Variants in HEATR5B observed in about 807,000 individuals in gnomAD.
HEATR5B encodes the protein HEAT repeat containing 5B, also known as HEAT repeat-containing protein 5B.
Under a neutral mutation model 224.1 loss-of-function variants are expected in HEATR5B, and 156 were observed. That is an observed-to-expected ratio of 0.70 (90% confidence interval 0.61 to 0.80). The LOEUF is 0.80. HEATR5B is among the 30% of genes least tolerant of loss of function. The probability of loss-of-function intolerance (pLI) is 0.00; values close to 1 mark genes in which losing one functional copy is unlikely to be tolerated. For synonymous variants in HEATR5B, 1,027 were observed against 893.0 expected (o/e 1.15, Z -2.68); for missense variants, 2,323 against 2,535.5 (o/e 0.92, Z 1.80).
chr2:37,053,516 G>T lies in HEATR5B; in HGVS notation c.2491C>A (p.Leu831Ile). The change falls in exon 17 of 36, where the codon CTT becomes ATT. Residue 831 changes from leucine (L) to isoleucine (I), a missense_variant. By Grantham distance (5) the Leu-to-Ile change is conservative (BLOSUM62 2). Coordinates refer to ENST00000233099, the MANE Select transcript of HEATR5B (RefSeq NM_019024.3). ...AVQLNIFTAV[L>I]SALKGLAENK... ...AAAGTAAATACCTTTAGTGCACTAA[G>T]AACAGCAGTAAATATGTTAAGCTGC... 6.3e-7 allele frequency: 1 copy of T among 1,598,572 alleles called. No individual in the cohort carries two copies. The highest frequency in any genetic ancestry group is 8.6e-7 in the Non-Finnish European group (1 of 1,169,040).
chr2:37,002,225 T>C (rs1022643898), intron 32 of HEATR5B, 81 bp downstream of exon 32: 7 of 1,479,076 alleles, frequency 4.7e-6, no homozygotes, highest in Non-Finnish European at 6.6e-6. Flanking sequence ...AACTGGGTTA[T>C]AACAGTGCTT....
At chr2:37,023,705 G>A (rs1668600748) in intron 24 of HEATR5B, among the ~76,000 whole-genome samples, 1 of 152,114 alleles carries the variant, frequency 6.6e-6, no homozygotes, top group Admixed American at 6.6e-5. Flanking sequence ...TTGAACCCAG[G>A]AGGCTGAGGC....
intron 12 of HEATR5B, among the ~76,000 whole-genome samples, chr2:37,059,457 TATATATA>T (rs1177050186): frequency 1.2e-3 from 132 of 112,240 alleles, no homozygotes; most frequent in Non-Finnish European, 1.6e-3. Flanking sequence ...TATATATATA[TATATATA>T]TTTTTTTTTT....
intron 17 of HEATR5B, 65 bp downstream of exon 17, chr2:37,053,437 G>A (rs1353130955): frequency 6.1e-6 from 5 of 813,282 alleles, no homozygotes; most frequent in Admixed American, 2.5e-5. Flanking sequence ...ATCTTGCTAT[G>A]TCTGGCTTAT....
rs766884538 is a variant in HEATR5B, at chr2:37,064,941, G to A, written c.1383C>T (p.Ala461=). Residue 461 remains alanine, a synonymous_variant, in exon 10 of 36, where the codon GCC becomes GCT. Transcript: ENST00000233099. ...GCAAACACCATGCAGCAGCAAGTCG[G>A]GCAGCCATGCTTGGATGAAGCAGCA... ...TSVLLHPSMA[A]RLAAAWCLRC... 4 of 1,613,928 alleles carry A rather than the reference G, an allele frequency of 2.5e-6. No homozygotes were observed. The East Asian group carries it at 8.9e-5, about 36-fold the overall frequency.
chr2:37,008,877 G>T (rs746473156), intron 27 of HEATR5B, 29 bp from the exon 28 acceptor site: 1 of 1,282,860 alleles, frequency 7.8e-7, no homozygotes, highest in South Asian at 1.3e-5. Flanking sequence ...GGACAAAATA[G>T]TAAGGCATAA....
chr2:37,080,962 A>G (rs539781733), intron 2 of HEATR5B, among the ~76,000 whole-genome samples: 1 of 152,328 alleles, frequency 6.6e-6, no homozygotes, highest in Admixed American at 6.5e-5. Context: ...GAGGGTGTAC[A>G]GATATTCATA....
intron 18 of HEATR5B, among the ~76,000 whole-genome samples, chr2:37,041,858 A>G (rs1282434540): frequency 2.0e-5 from 3 of 151,680 alleles, no homozygotes; most frequent in Non-Finnish European, 4.4e-5. Flanking sequence ...AATATTAATT[A>G]TTCCTTGAAA....
chr2:37,025,930 G>C (rs916886001), intron 24 of HEATR5B, among the ~76,000 whole-genome samples: 20 of 152,078 alleles, frequency 1.3e-4, no homozygotes, highest in African/African-American at 4.8e-4. Context: ...CAGTGTAGTA[G>C]GCAGAATATT....
chr2:37,015,721 T>C (rs1460027945), intron 26 of HEATR5B, among the ~76,000 whole-genome samples: 8 of 152,186 alleles, frequency 5.3e-5, no homozygotes, highest in Non-Finnish European at 1.0e-4. Context: ...CATTTTTACA[T>C]GCTGCATTCA....
chr2:37,032,847 T>C (rs1669218929), intron 21 of HEATR5B, 74 bp from the exon 22 acceptor site: 1 of 1,215,628 alleles, frequency 8.2e-7, no homozygotes, highest in South Asian at 1.4e-5. Flanking sequence ...GCCCAATGAA[T>C]ATATATATAC....
intron 12 of HEATR5B, among the ~76,000 whole-genome samples, chr2:37,060,059 C>T (rs982347240): frequency 2.0e-5 from 3 of 152,106 alleles, no homozygotes; most frequent in Non-Finnish European, 2.9e-5. Context: ...AAAACCTGAG[C>T]GTTTCCTGTA....
chr2:37,049,510 T>C, intron 18 of HEATR5B, 143 bp downstream of exon 18: 1 of 702,552 alleles, frequency 1.4e-6, no homozygotes. Flanking sequence ...AACTGCTAAA[T>C]TAAAAATTGA....
intron 35 of HEATR5B, among the ~76,000 whole-genome samples, chr2:36,985,167 A>G (rs1665861772): frequency 6.6e-6 from 1 of 152,220 alleles, no homozygotes; most frequent in African/African-American, 2.4e-5. Context: ...TCATGTAACT[A>G]TGTAAAATAT....
At chr2:36,990,320 A>G (rs1666242651) in intron 34 of HEATR5B, among the ~76,000 whole-genome samples, 1 of 152,246 alleles carries the variant, frequency 6.6e-6, no homozygotes, top group African/African-American at 2.4e-5. Flanking sequence ...CAGGTTCATT[A>G]AAACGTCAAT....
chr2:37,041,726 T>A (rs985874400), intron 18 of HEATR5B, among the ~76,000 whole-genome samples: 3 of 151,668 alleles, frequency 2.0e-5, no homozygotes, highest in Non-Finnish European at 4.4e-5. Flanking sequence ...GCCTGGGTGA[T>A]AGAGCAGGAC....
At chr2:37,037,159 T>TATATATATATATATATATATATATATA (rs1448007926) in intron 21 of HEATR5B, among the ~76,000 whole-genome samples, 67 of 139,264 alleles carry the variant, frequency 4.8e-4, no homozygotes, top group Non-Finnish European at 6.4e-4. Flanking sequence ...TATATATATA[T>TATATATATATATATATATATATATATA]TTTGGAGATG....
rs551593311 is a variant in HEATR5B at position 37,083,463 on chromosome 2, T to C, written c.-22-27A>G. 8.0e-6 allele frequency: 12 copies of C among 1,509,022 alleles called. No homozygotes were observed. In the South Asian group the frequency reaches 1.2e-4, roughly 15 times the overall value. The allele number at this position is 1,509,022 out of a possible 1,614,324, so 93.5% of individuals were successfully genotyped here. A position where few individuals can be genotyped will look rare whatever the true frequency, so the allele number is the denominator to read the frequency against. ...TTAAATTTAACAGAGTAAAAAATAC[T>C]TGTAAGTATTTTTTAATGTTAAAAG... On this transcript the variant is annotated intron_variant, in intron 1 of 35. Coordinates refer to ENST00000233099, the MANE Select transcript of HEATR5B (RefSeq NM_019024.3).
At chr2:37,047,184 A>AT (rs1252928640) in intron 18 of HEATR5B, among the ~76,000 whole-genome samples, 11 of 152,014 alleles carry the variant, frequency 7.2e-5, no homozygotes, top group African/African-American at 2.4e-4. Flanking sequence ...TCTCAAAAAA[A>AT]AAAAATAAAT....
Sources: allele counts gnomAD v4.1 joint callset (sites outside exome capture counted in the v4.1 genomes callset), GRCh38; gene constraint gnomAD v4.1.1; transcripts MANE v1.5; gene names NCBI Gene and HGNC (gene_info 2026-07-23, HGNC 2026-07-21).